DPYD: variants seen among roughly 807,000 people sequenced by gnomAD.
The protein encoded by DPYD is dihydropyrimidine dehydrogenase [NADP(+)].
In DPYD, 109 loss-of-function variants were observed where a neutral mutation model predicts 116.2. The ratio of observed to expected loss-of-function variants is 0.94; its 90% confidence interval spans 0.80 to 1.10. The LOEUF (loss-of-function observed/expected upper bound fraction) is 1.10, where lower values mean the gene tolerates loss of function less well. DPYD is among the 50% of genes least tolerant of loss of function. The pLI is 0.00. For synonymous variants in DPYD, 440 were observed against 432.0 expected (o/e 1.02, Z -0.23); for missense variants, 1,302 against 1,254.5 (o/e 1.04, Z -0.57).
rs759167004 is a variant in DPYD at position 97,782,930 on chromosome 1, G to A, written c.234-42451C>T. ...CACCCTAATGTGAGCCATGTGAGCC[G>A]ACATAGTGAAGGCACAGTCCTAGGG... On this transcript the variant is annotated intron_variant, in intron 3 of 22. Coordinates refer to ENST00000370192, the MANE Select transcript of DPYD (RefSeq NM_000110.4). Among the ~76,000 whole-genome samples, 43 of 152,200 alleles carry A rather than the reference G, an allele frequency of 2.8e-4. 1 individual carries two copies. Among genetic ancestry groups the A allele is most frequent in the Non-Finnish European group, 5.4e-4 (37 of 68,014 alleles).
intron 2 of DPYD, among the ~76,000 whole-genome samples, chr1:97,864,697 G>C (rs1239176379): frequency 6.6e-6 from 1 of 151,894 alleles, no homozygotes; most frequent in Non-Finnish European, 1.5e-5. Context: ...CTTCGAGAAG[G>C]AAGGTATCCA....
At chr1:97,618,279 A>G (rs1344942471) in intron 8 of DPYD, among the ~76,000 whole-genome samples, 1 of 148,576 alleles carries the variant, frequency 6.7e-6, no homozygotes, top group Non-Finnish European at 1.5e-5. Flanking sequence ...AAATTACTAG[A>G]AACAGAAATT....
rs535025260 is a variant in DPYD, at chr1:97,547,013, C to T, written c.1524+2547G>A. 17 of 1,535,876 alleles carry T rather than the reference C, an allele frequency of 1.1e-5. No individual in the cohort carries two copies. The Admixed American group carries it at 2.7e-4, about 24-fold the overall frequency. ...GTTTGCACATATTTGCAATTTTTTG[C>T]TGTTTTGGAAGTTTATCATAAACCA... On this transcript the variant is annotated intron_variant, in intron 12 of 22. Transcript: ENST00000370192.
chr1:97,605,001 T>C (rs2100733633), intron 8 of DPYD, among the ~76,000 whole-genome samples: 1 of 152,172 alleles, frequency 6.6e-6, no homozygotes, highest in East Asian at 1.9e-4. Context: ...AATTAAAGAA[T>C]CACATTTCCC....
At chr1:97,760,338 A>C (rs1665504107) in intron 3 of DPYD, among the ~76,000 whole-genome samples, 1 of 152,122 alleles carries the variant, frequency 6.6e-6, no homozygotes, top group Admixed American at 6.6e-5. Flanking sequence ...ACATATATAC[A>C]GTTGATCCTC....
At position 97,204,936 on chromosome 1, in the gene DPYD, C is replaced by T. The variant is rs192564744; in HGVS notation, c.2443-11688G>A. Among the ~76,000 whole-genome samples the T allele has an allele frequency of 1.1e-4, 16 of 151,990 alleles. 1 individual carries two copies. The East Asian group carries it at 2.9e-3, about 28-fold the overall frequency. On this transcript the variant is annotated intron_variant, in intron 19 of 22. Transcript: ENST00000370192. The stretch of plus-strand genomic sequence containing the variant: ...ACCCGACTTGATCCTGTTATTGACC[C>T]AGATAATCCTAGATTTAAAGGGTCC...
chr1:97,751,489 T>TATAC (rs1557933380), intron 3 of DPYD, among the ~76,000 whole-genome samples: 1 of 132,640 alleles, frequency 7.5e-6, no homozygotes, highest in Non-Finnish European at 1.6e-5. Flanking sequence ...TATATATATA[T>TATAC]ATATATGGCA....
At chr1:97,514,221 G>A in intron 13 of DPYD, 1 of 984,950 alleles carries the variant, frequency 1.0e-6, no homozygotes, top group Non-Finnish European at 1.2e-6. Flanking sequence ...GTGCTCCTAG[G>A]TTACTGAAAG....
chr1:97,273,451 A>G (rs983181087), intron 18 of DPYD, among the ~76,000 whole-genome samples: 8 of 152,180 alleles, frequency 5.3e-5, no homozygotes, highest in African/African-American at 1.2e-4. Context: ...ACTTTTTAAT[A>G]TAGTACAATT....
In DPYD at chr1:97,595,040, A is replaced by G; in HGVS notation, c.958+19T>C. On this transcript the variant is annotated intron_variant, in intron 9 of 22. Coordinates refer to ENST00000370192, the MANE Select transcript of DPYD (RefSeq NM_000110.4). Reference sequence around the variant, plus strand: ...AAATAGCATACTCACTATTAAGCATAAAAGACAATATGTTATACCTGCTTT... The same window carrying G: ...AAATAGCATACTCACTATTAAGCATGAAAGACAATATGTTATACCTGCTTT... The G allele has an allele frequency of 6.4e-7, 1 of 1,570,594 alleles. No homozygotes were observed. Among genetic ancestry groups the G allele is most frequent in the Non-Finnish European group, 8.8e-7 (1 of 1,140,914 alleles).
intron 15 of DPYD, among the ~76,000 whole-genome samples, 185 bp from the exon 16 acceptor site, chr1:97,373,829 A>C (rs1384028672): frequency 1.3e-5 from 2 of 152,260 alleles, no homozygotes; most frequent in African/African-American, 2.4e-5. Context: ...CCACCACCAC[A>C]ACAACAATCA....
chr1:97,655,883 A>G (rs1466392090), intron 8 of DPYD, among the ~76,000 whole-genome samples: 1 of 152,170 alleles, frequency 6.6e-6, no homozygotes, highest in Non-Finnish European at 1.5e-5. Flanking sequence ...GTTTTGGGAG[A>G]AATCAGGATG....
intron 12 of DPYD, chr1:97,545,857 G>T: frequency 9.3e-7 from 1 of 1,074,536 alleles, no homozygotes. Context: ...CATTGAAGAG[G>T]ACAATCTTAG....
At chr1:97,762,497 G>A (rs1665631857) in intron 3 of DPYD, among the ~76,000 whole-genome samples, 1 of 151,994 alleles carries the variant, frequency 6.6e-6, no homozygotes, top group Non-Finnish European at 1.5e-5. Context: ...TAGAAGGAAT[G>A]GAAAGAGACC....
At chr1:97,811,272 C>T (rs1463630260) in intron 3 of DPYD, among the ~76,000 whole-genome samples, 1 of 152,070 alleles carries the variant, frequency 6.6e-6, no homozygotes, top group African/African-American at 2.4e-5. Context: ...CACCTGCCTG[C>T]CCGTTATCCA....
intron 20 of DPYD, among the ~76,000 whole-genome samples, chr1:97,120,509 T>C (rs560784836): frequency 3.9e-5 from 6 of 152,294 alleles, no homozygotes; most frequent in Non-Finnish European, 5.9e-5. Context: ...CTGACCCTTT[T>C]ATATAATGCA....
At chr1:97,477,660 C>CCGGACTG (rs1678055577) in intron 13 of DPYD, among the ~76,000 whole-genome samples, 1 of 143,242 alleles carries the variant, frequency 7.0e-6, no homozygotes, top group African/African-American at 2.7e-5. Context: ...GTCGCCCAGG[C>CCGGACTG]CGGACTGCGG....
chr1:97,364,909 A>C (rs1670943952), intron 16 of DPYD, among the ~76,000 whole-genome samples: 1 of 152,094 alleles, frequency 6.6e-6, no homozygotes. Context: ...CTGACAGCTC[A>C]CCTATCGCAG....
chr1:97,592,943 T>C (rs1276303288), intron 10 of DPYD, among the ~76,000 whole-genome samples: 2 of 152,180 alleles, frequency 1.3e-5, no homozygotes, highest in Non-Finnish European at 2.9e-5. Context: ...TTTACATTGT[T>C]ACTAGTTACA....
Sources: allele counts gnomAD v4.1 joint callset (sites outside exome capture counted in the v4.1 genomes callset), GRCh38; gene constraint gnomAD v4.1.1; transcripts MANE v1.5; gene names NCBI Gene and HGNC (gene_info 2026-07-23, HGNC 2026-07-21).